FRY: variants seen among roughly 807,000 people sequenced by gnomAD.
FRY encodes the protein FRY microtubule binding protein.
In FRY, 128 loss-of-function variants were observed where a neutral mutation model predicts 348.4. The observed-to-expected ratio is 0.37, with a 90% CI of 0.32 to 0.43. The LOEUF (loss-of-function observed/expected upper bound fraction) is 0.43, where lower values mean the gene tolerates loss of function less well. Ranked by LOEUF, FRY falls within the 20% of genes least tolerant of loss-of-function variation. FRY has a pLI of 1.00. For missense variants in FRY, 2,736 were observed against 3,695.2 expected, an observed-to-expected ratio of 0.74 and a Z score of 6.73; for synonymous variants, 1,370 against 1,374.7, an observed-to-expected ratio of 1.00 and a Z score of 0.08.
intron 13 of FRY, 126 bp from the exon 14 acceptor site, chr13:32,149,622 A>G (rs1428034493): frequency 3.0e-5 from 21 of 694,132 alleles, no homozygotes; most frequent in Non-Finnish European, 4.2e-5. Flanking sequence ...GCAAGCCACA[A>G]AACTGAGCAG....
chr13:32,141,057 T>C lies in FRY; in HGVS notation c.1179+4085T>C, dbSNP rs1880034815. On this transcript the variant is annotated intron_variant, in intron 11 of 60. Coordinates refer to ENST00000542859, the MANE Select transcript of FRY (RefSeq NM_023037.3). ...CGCTTTACTATTAATCTCATTTCTA[T>C]AATCTTGAGAAAATCTGTTTCAGAT... Among the ~76,000 whole-genome samples the C allele has an allele frequency of 2.0e-5, 3 of 152,344 alleles. No individual in the cohort carries two copies. In the South Asian group the frequency reaches 6.2e-4, roughly 32 times the overall value.
At chr13:32,279,001 CAG>C (rs202139553) in intron 58 of FRY, among the ~76,000 whole-genome samples, 1,738 of 152,214 alleles carry the variant, frequency 0.011, 20 homozygotes, top group Middle Eastern at 0.031. Context: ...AATTAAAGGA[CAG>C]AGTAAGAATG....
chr13:32,239,368 C>T lies in FRY; in HGVS notation c.6516+19C>T. 3 of 1,447,264 alleles carry T rather than the reference C, an allele frequency of 2.1e-6. No individual in the cohort carries two copies. The highest frequency in any genetic ancestry group is 2.9e-6 in the Non-Finnish European group (3 of 1,027,742). 89.7% of individuals were successfully genotyped at this position (1,447,264 alleles called of 1,614,324 possible). Reference sequence around the variant, plus strand: ...TGCTCAGGTATGAGTTACAGTTCCACACTCAGGCAGATCCATAGAGGCCTT... The same window carrying T: ...TGCTCAGGTATGAGTTACAGTTCCATACTCAGGCAGATCCATAGAGGCCTT... On this transcript the variant is annotated intron_variant, in intron 45 of 60. Coordinates refer to ENST00000542859, the MANE Select transcript of FRY (RefSeq NM_023037.3). The surrounding 1 kb of genome is among the most constrained non-coding windows in gnomAD (Gnocchi z 4.3).
chr13:32,194,793 T>C (rs1415934975), intron 29 of FRY, among the ~76,000 whole-genome samples: 4 of 152,224 alleles, frequency 2.6e-5, no homozygotes, highest in Admixed American at 6.5e-5. Flanking sequence ...GCCTTTGTTA[T>C]ATAAATTAGT....
In FRY at chr13:32,117,336, C is replaced by A; in HGVS notation, c.327C>A (p.Val109=). ...QRGEDPQFDQ[V]ISSMSSLSEY... ...ATCACCTGCATTTTCCTCCATAGGT[C>A]ATCAGCTCAATGAGCTCCCTTTCTG... Residue 109 remains valine, a splice_region_variant and synonymous_variant, in exon 4 of 61, where the codon GTC becomes GTA. Coordinates refer to ENST00000542859, the MANE Select transcript of FRY (RefSeq NM_023037.3). 1.2e-6 allele frequency: 2 copies of A among 1,613,800 alleles called. No individual in the cohort carries two copies. Among genetic ancestry groups the A allele is most frequent in the South Asian group, 2.2e-5 (2 of 91,032 alleles).
intron 10 of FRY, among the ~76,000 whole-genome samples, chr13:32,135,557 T>C (rs1879663372): frequency 6.6e-6 from 1 of 152,294 alleles, no homozygotes; most frequent in South Asian, 2.1e-4. Flanking sequence ...CAAATTTCTA[T>C]CTGGATGCTA....
At chr13:32,099,364 A>T (rs1876998790) in intron 2 of FRY, among the ~76,000 whole-genome samples, 1 of 151,840 alleles carries the variant, frequency 6.6e-6, no homozygotes. Flanking sequence ...ACACTAACAC[A>T]TACACACACA....
Position 32,224,238 on chromosome 13 carries a change from A to G in FRY, c.4769A>G (p.Asp1590Gly). ...AGTTGTCTTTCTCACCCTCCAGATG[A>G]TCCAATTTCTCCCTACACGGGCTGG... is the stretch of plus-strand genomic sequence containing the variant. ...SGGSYDEDKN[D>G]PISPYTGWLL... The change falls in exon 37 of 61, where the codon GAT becomes GGT. Residue 1590 changes from aspartate to glycine, a missense_variant. Asp to Gly is a moderately conservative substitution (Grantham distance 94). Around this residue, in one of 9 missense-constraint regions of FRY, gnomAD observed 794 missense variants for 977.0 expected, o/e 0.81. Coordinates refer to ENST00000542859, the MANE Select transcript of FRY (RefSeq NM_023037.3). The G allele has an allele frequency of 1.9e-6, 3 of 1,613,940 alleles. No individual in the cohort carries two copies. The highest frequency in any genetic ancestry group is 2.5e-6 in the Non-Finnish European group (3 of 1,179,878).
At chr13:32,153,590 T>C (rs1880929840) in intron 14 of FRY, among the ~76,000 whole-genome samples, 1 of 152,188 alleles carries the variant, frequency 6.6e-6, no homozygotes, top group Admixed American at 6.5e-5. Context: ...ATATTTTGGA[T>C]CTTGATTCTG....
chr13:32,179,543 T>TGTGTGTGTGTGTG, intron 22 of FRY, 132 bp from the exon 23 acceptor site: 4 of 332,666 alleles, frequency 1.2e-5, no homozygotes, highest in African/African-American at 5.1e-5. Context: ...GTGTGTGTGT[T>TGTGTGTGTGTGTG]TCCTGAAATG....
chr13:32,077,395 CA>C (rs1197447756), intron 1 of FRY, among the ~76,000 whole-genome samples: 5 of 151,988 alleles, frequency 3.3e-5, no homozygotes, highest in South Asian at 4.2e-4. Flanking sequence ...AGGATGCGGC[CA>C]GGGGGAATGG....
rs1208670496 is a variant in FRY at position 32,136,939 on chromosome 13, C to T, written c.1146C>T (p.His382=). 6.2e-7 allele frequency: 1 copy of T among 1,604,616 alleles called. No individual in the cohort carries two copies. The highest frequency in any genetic ancestry group is 8.5e-7 in the Non-Finnish European group (1 of 1,171,328). The change falls in exon 11 of 61, where the codon CAC becomes CAT. Residue 382 remains histidine, a synonymous_variant. Coordinates refer to ENST00000542859, the MANE Select transcript of FRY (RefSeq NM_023037.3). ...AGCAGCTGTTCCTGAACAGGTGGCA[C>T]ATTTTCCTCAACAACTGCTTGTCCA... The part of the protein sequence containing the change: ...SQKQLFLNRW[H]IFLNNCLSNL...
In FRY at chr13:32,297,230, T is replaced by C. The variant is rs1338548138; in HGVS notation, c.*1770T>C. 3 of 152,232 alleles carry C rather than the reference T, an allele frequency of 2.0e-5. No homozygotes were observed. The highest frequency in any genetic ancestry group is 6.5e-5 in the Admixed American group (1 of 15,288). 9.4% of individuals were successfully genotyped at this position (152,232 alleles called of 1,614,324 possible). A position where few individuals can be genotyped will look rare whatever the true frequency, so the allele number is the denominator to read the frequency against. ...GATGCAACTACTAGATTTTAATAAT[T>C]TTCTGGACTGCTGAAAACATATTTT... On this transcript the variant is annotated 3_prime_UTR_variant, in exon 61 of 61. Coordinates refer to ENST00000542859, the MANE Select transcript of FRY (RefSeq NM_023037.3).
Position 32,184,984 on chromosome 13 carries a change from G to T in FRY, c.3155G>T (p.Gly1052Val). ...DAGVISDSTN[G>V]ALERDTLALG... is the part of the protein sequence containing the mutation. ...ATTTTCCTTTATTCCAGCACAAATG[G>T]AGCCCTAGAGCGGGATACTTTAGCC... The change falls in exon 26 of 61, where the codon GGA (glycine) becomes GTA (valine). Residue 1052 changes from glycine (G) to valine (V), a missense_variant. Gly to Val is a moderately radical substitution (Grantham distance 109, BLOSUM62 -3). Transcript: ENST00000542859. 6.2e-7 allele frequency: 1 copy of T among 1,613,646 alleles called. No individual in the cohort carries two copies. The highest frequency in any genetic ancestry group is 8.5e-7 in the Non-Finnish European group (1 of 1,179,682).
Position 32,212,008 on chromosome 13 carries a change from G to A in FRY, c.4592-284G>A, listed in dbSNP as rs975771210. ...CAGCAGGGCCAGCCACTATAAATAA[G>A]CTCATTGCCTAAGTGGCCAGGAAGA... On this transcript the variant is annotated intron_variant, in intron 34 of 60. Coordinates refer to ENST00000542859, the MANE Select transcript of FRY (RefSeq NM_023037.3). Among the ~76,000 whole-genome samples, 6 of 152,202 alleles carry A rather than the reference G, an allele frequency of 3.9e-5. No homozygotes were observed. In the East Asian group the frequency reaches 9.6e-4, roughly 24 times the overall value.
chr13:32,119,257 G>A (rs545363522), intron 4 of FRY, among the ~76,000 whole-genome samples: 2 of 152,264 alleles, frequency 1.3e-5, no homozygotes, highest in Non-Finnish European at 2.9e-5. Context: ...GGAAAAAAAG[G>A]TTGGGGGGAC....
At chr13:32,182,766 G>A (rs1430265831) in intron 23 of FRY, among the ~76,000 whole-genome samples, 1 of 152,166 alleles carries the variant, frequency 6.6e-6, no homozygotes, top group African/African-American at 2.4e-5. Flanking sequence ...TATATGCATA[G>A]CACTGGAATT....
At chr13:32,221,582 G>GGCTC (rs1398883566) in intron 36 of FRY, among the ~76,000 whole-genome samples, 1 of 152,194 alleles carries the variant, frequency 6.6e-6, no homozygotes, top group Admixed American at 6.5e-5. Context: ...TCACGATCTT[G>GGCTC]GCTCACTGCA....
intron 36 of FRY, among the ~76,000 whole-genome samples, chr13:32,220,753 A>G (rs1885270054): frequency 6.6e-6 from 1 of 152,200 alleles, no homozygotes; most frequent in African/African-American, 2.4e-5. Context: ...CCTAACAGAA[A>G]TCTCACAATT....
Sources: allele counts gnomAD v4.1 joint callset (sites outside exome capture counted in the v4.1 genomes callset), GRCh38; gene constraint gnomAD v4.1.1; regional missense constraint gnomAD v4.1.1; non-coding constraint Gnocchi (gnomAD v3.1); transcripts MANE v1.5; gene names NCBI Gene and HGNC (gene_info 2026-07-23, HGNC 2026-07-21).